SKIC8: variants seen among roughly 807,000 people sequenced by gnomAD.
SKIC8 encodes SKI8 subunit of superkiller complex.
the SKIC8 span, chr15:78,294,898 A>G: frequency 6.2e-7 from 1 of 1,613,196 alleles, no homozygotes; most frequent in African/African-American, 1.3e-5. Context: ...ACCAGGGACA[A>G]CACAGTTTTT....
chr15:78,283,369 G>T, the SKIC8 span: 1 of 1,337,092 alleles, frequency 7.5e-7, no homozygotes, highest in Non-Finnish European at 1.1e-6. Context: ...GCCTAAGAAG[G>T]TAAGGAATGT....
chr15:78,283,572 A>G, the SKIC8 span: 1 of 1,348,190 alleles, frequency 7.4e-7, no homozygotes, highest in African/African-American at 1.5e-5. Context: ...TCTTTATAAT[A>G]TTTATGAAAT....
the SKIC8 span, among the ~76,000 whole-genome samples, chr15:78,291,506 C>A: frequency 6.6e-6 from 1 of 151,956 alleles, no homozygotes; most frequent in African/African-American, 2.4e-5. Flanking sequence ...AATACATATC[C>A]CACCCCACGT....
chr15:78,288,280 G>T, the SKIC8 span: 1 of 1,613,700 alleles, frequency 6.2e-7, no homozygotes, highest in Non-Finnish European at 8.5e-7. Flanking sequence ...TGCCTTTAAG[G>T]TAACTTACAC....
At chr15:78,295,741 C>G in the SKIC8 span, 1 of 1,513,096 alleles carries the variant, frequency 6.6e-7, no homozygotes, top group Non-Finnish European at 8.8e-7. Context: ...GAAACAACAC[C>G]AGGATTTCAG....
At chr15:78,290,630 C>A in the SKIC8 span, 2 of 152,424 alleles carry the variant, frequency 1.3e-5, no homozygotes, top group South Asian at 4.1e-4. Flanking sequence ...TCCCTACATT[C>A]ATTAGACCCA....
the SKIC8 span, chr15:78,285,456 G>T: frequency 1.2e-6 from 1 of 826,134 alleles, no homozygotes; most frequent in Non-Finnish European, 2.0e-6. Context: ...CCTCGGTACA[G>T]GAAATGGCCA....
At chr15:78,290,763 T>C in the SKIC8 span, 1 of 152,138 alleles carries the variant, frequency 6.6e-6, no homozygotes, top group Non-Finnish European at 1.5e-5. Context: ...TCTAGTTTTA[T>C]GCAGAGTCCT....
chr15:78,290,197 G>A, the SKIC8 span: 5 of 1,274,200 alleles, frequency 3.9e-6, no homozygotes, highest in East Asian at 2.6e-5. Flanking sequence ...TTTTAAATCG[G>A]AGTAGCAGTG....
At chr15:78,283,623 T>G in the SKIC8 span, 22 of 885,276 alleles carry the variant, frequency 2.5e-5, no homozygotes, top group Admixed American at 7.7e-5. Context: ...CTACCAAAAC[T>G]GAGATGAGGA....
At chr15:78,296,852 C>T in the SKIC8 span, among the ~76,000 whole-genome samples, 2 of 152,254 alleles carry the variant, frequency 1.3e-5, no homozygotes, top group Admixed American at 6.5e-5. Context: ...AAACCAATTA[C>T]AGTAGGTTCT....
chr15:78,294,174 C>A, the SKIC8 span, among the ~76,000 whole-genome samples: 1 of 152,226 alleles, frequency 6.6e-6, no homozygotes, highest in African/African-American at 2.4e-5. Flanking sequence ...AGTTGACTGG[C>A]ATGCCCAATT....
At chr15:78,284,336 T>C in the SKIC8 span, 1 of 152,166 alleles carries the variant, frequency 6.6e-6, no homozygotes, top group South Asian at 2.1e-4. Context: ...AATATCAAGA[T>C]AGAACCCCCT....
the SKIC8 span, chr15:78,295,754 A>G: frequency 6.6e-7 from 1 of 1,504,650 alleles, no homozygotes; most frequent in Non-Finnish European, 8.9e-7. Context: ...GATTTCAGTG[A>G]GGGGGTGTCA....
chr15:78,286,313 A>G, the SKIC8 span: 2 of 575,700 alleles, frequency 3.5e-6, no homozygotes, highest in African/African-American at 3.7e-5. Flanking sequence ...CATTAGAGAC[A>G]AATTTTAATA....
the SKIC8 span, chr15:78,286,160 T>C: frequency 6.3e-7 from 1 of 1,598,976 alleles, no homozygotes; most frequent in Non-Finnish European, 8.6e-7. Flanking sequence ...TCAAACAAAA[T>C]TGAGATGTTA....
At chr15:78,299,586 G>C in the SKIC8 span, 1 of 152,404 alleles carries the variant, frequency 6.6e-6, no homozygotes, top group Non-Finnish European at 1.5e-5. Context: ...GCTGCACGTC[G>C]GAAGCCGGGC....
chr15:78,294,106 C>G, the SKIC8 span, among the ~76,000 whole-genome samples: 2 of 152,192 alleles, frequency 1.3e-5, no homozygotes, highest in Non-Finnish European at 2.9e-5. Context: ...CATTTCAAAC[C>G]TCACCTAACT....
chr15:78,291,674 C>T, the SKIC8 span: 1 of 152,170 alleles, frequency 6.6e-6, no homozygotes, highest in Non-Finnish European at 1.5e-5. Context: ...ACTCTGGGAC[C>T]ATCATTCTTT....
Sources: allele counts gnomAD v4.1 joint callset (sites outside exome capture counted in the v4.1 genomes callset), GRCh38; gene constraint gnomAD v4.1.1; transcripts MANE v1.5; gene names NCBI Gene and HGNC (gene_info 2026-07-23, HGNC 2026-07-21).